The following CIDEB variants were observed in gnomAD, a reference collection of about 807,000 sequenced individuals.
The protein encoded by CIDEB is lipid transferase CIDEB.
Under a neutral mutation model 22.4 loss-of-function variants are expected in CIDEB, and 27 were observed. That is an observed-to-expected ratio of 1.21 (90% confidence interval 0.89 to 1.66). CIDEB has a LOEUF of 1.66. CIDEB is among the 40% of genes most tolerant of loss of function. The probability of loss-of-function intolerance (pLI) is 0.00; values close to 1 mark genes in which losing one functional copy is unlikely to be tolerated. For missense variants in CIDEB, 289 were observed against 268.7 expected (o/e 1.08, Z -0.53); for synonymous variants, 103 against 109.5 (o/e 0.94, Z 0.37).
rs759732396 is a variant in CIDEB, at chr14:24,307,390, C to T, written c.167G>A (p.Arg56His). ...TIRKGLTAAT[R>H]QELLAKALET... ...ACTTACTTTGGCTAGCAGCTCCTGG[C>T]GGGTGGCAGCTGTCAGGCCTTTCCG... Residue 56 changes from arginine to histidine, a missense_variant, in exon 2 of 5, where the codon CGC becomes CAC. By Grantham distance (29) the Arg-to-His change is conservative. Transcript: ENST00000554411. The T allele has an allele frequency of 7.4e-6, 12 of 1,613,392 alleles. No homozygotes were observed. Among genetic ancestry groups the T allele is most frequent in the East Asian group, 2.2e-5 (1 of 44,894 alleles).
chr14:24,310,643 A>C (rs1594635010), upstream of CIDEB: 1 of 1,613,574 alleles, frequency 6.2e-7, no homozygotes, highest in Non-Finnish European at 8.5e-7. Context: ...GGCGCCTTCC[A>C]CCCACCTGTA....
upstream of CIDEB, chr14:24,308,279 C>T (rs1171404187): frequency 3.3e-5 from 8 of 240,238 alleles, no homozygotes; most frequent in South Asian, 2.5e-4. Context: ...GTGCTGCCAC[C>T]TACTGGAGAA....
At position 24,305,230 on chromosome 14, in the gene CIDEB, A is replaced by T; in HGVS notation, c.*403T>A. 1 of 976,924 alleles carries T rather than the reference A, an allele frequency of 1.0e-6. No homozygotes were observed. The highest frequency in any genetic ancestry group is 1.7e-5 in the African/African-American group (1 of 59,444). The allele number at this position is 976,924 out of a possible 1,614,324, so 60.5% of individuals were successfully genotyped here. A position where few individuals can be genotyped will look rare whatever the true frequency, so the allele number is the denominator to read the frequency against. On this transcript the variant is annotated 3_prime_UTR_variant, in exon 5 of 5. Coordinates refer to ENST00000554411, the MANE Select transcript of CIDEB (RefSeq NM_001393339.1). ...TATTTTTATTGGAAATGTTTTTGTT[A>T]GTTTGAGGGGAAGGGTATGAAGACA...
chr14:24,308,551 G>C (rs1259719689), upstream of CIDEB: 1 of 154,056 alleles, frequency 6.5e-6, no homozygotes, highest in African/African-American at 2.4e-5. Context: ...AGAGCTGCCT[G>C]CTGCAGTCAC....
At position 24,306,517 on chromosome 14, in the gene CIDEB, C is replaced by T. The variant is rs984815207; in HGVS notation, c.193G>A (p.Glu65Lys). Residue 65 changes from glutamate to lysine, a missense_variant, in exon 3 of 5, where the codon GAG becomes AAG. Transcript: ENST00000554411. ...TRQELLAKAL[E>K]TLLLNGVLTL... ...AGCACTCCATTCAGCAGTAGGGTCT[C>T]CAATGCCTGCCCAATGGCAAGAAGC... 1.2e-6 allele frequency: 2 copies of T among 1,614,136 alleles called. No homozygotes were observed. The highest frequency in any genetic ancestry group is 2.7e-5 in the African/African-American group (2 of 74,938).
chr14:24,307,350 C>T (rs201256449), intron 2 of CIDEB, 21 bp downstream of exon 2: 116 of 1,605,818 alleles, frequency 7.2e-5, no homozygotes, highest in East Asian at 3.4e-4. Flanking sequence ...CTATAGGAAC[C>T]GAGGAACTTG....
upstream of CIDEB, chr14:24,311,337 C>T (rs375308005): frequency 2.4e-5 from 39 of 1,603,468 alleles, no homozygotes; most frequent in African/African-American, 4.7e-4. Context: ...GGTGGGCCGG[C>T]TGGTGAGCGC....
chr14:24,310,588 G>C (rs573499423), upstream of CIDEB: 1 of 1,440,142 alleles, frequency 6.9e-7, no homozygotes, highest in African/African-American at 1.4e-5. Context: ...CCTTCTCATC[G>C]GGCATCACAG....
chr14:24,310,810 G>A (rs150416614), upstream of CIDEB: 3,959 of 1,596,906 alleles, frequency 2.5e-3, 92 homozygotes, highest in African/African-American at 0.047. Flanking sequence ...GCGGGCTGGC[G>A]GCCTGCACGG....
chr14:24,309,097 A>G (rs990845299), upstream of CIDEB: 2 of 152,206 alleles, frequency 1.3e-5, no homozygotes, highest in Non-Finnish European at 2.9e-5. Flanking sequence ...CATTAAGTAC[A>G]TTCTCCTAAT....
Position 24,306,064 on chromosome 14 carries a change from T to G in CIDEB, c.410A>C (p.Asp137Ala). 1 of 1,614,174 alleles carries G rather than the reference T, an allele frequency of 6.2e-7. No homozygotes were observed. The highest frequency in any genetic ancestry group is 8.5e-7 in the Non-Finnish European group (1 of 1,180,014). ...HSKDIARFTF[D>A]VYKQNPRDLF... Reference sequence around the variant, plus strand: ...GTCTCGAGGGTTTTGCTTGTACACGTCAAAGGTGAATCGGGCGATGTCCTT... The same window carrying G: ...GTCTCGAGGGTTTTGCTTGTACACGGCAAAGGTGAATCGGGCGATGTCCTT... Residue 137 changes from aspartate to alanine, a missense_variant, in exon 4 of 5, where the codon GAC (aspartate) becomes GCC (alanine). Coordinates refer to ENST00000554411, the MANE Select transcript of CIDEB (RefSeq NM_001393339.1).
chr14:24,310,749 C>CT (rs932787383), upstream of CIDEB: 3 of 1,610,742 alleles, frequency 1.9e-6, no homozygotes, highest in Non-Finnish European at 1.7e-6. Flanking sequence ...CTTCCTGCTG[C>CT]TGGCGGCGCT....
upstream of CIDEB, chr14:24,311,434 G>A (rs746762061): frequency 6.2e-7 from 1 of 1,601,360 alleles, no homozygotes; most frequent in East Asian, 2.2e-5. Context: ...CCACCGGAAG[G>A]GGCCTTGGCG....
chr14:24,311,195 C>T (rs1397134294), upstream of CIDEB: 1 of 1,608,204 alleles, frequency 6.2e-7, no homozygotes, highest in Non-Finnish European at 8.5e-7. Context: ...CGCCGGTCCA[C>T]GCCGCCGCCC....
chr14:24,311,299 G>T, upstream of CIDEB: 18 of 1,591,194 alleles, frequency 1.1e-5, no homozygotes, highest in Non-Finnish European at 1.5e-5. Context: ...CGGGGCGCCC[G>T]CTGGGGCTCC....
chr14:24,309,187 G>C (rs141900690), upstream of CIDEB: 1 of 152,356 alleles, frequency 6.6e-6, no homozygotes, highest in East Asian at 1.9e-4. Flanking sequence ...AAGGCCTACT[G>C]AAGGGACTTA....
At chr14:24,306,161 A>G in intron 3 of CIDEB, 24 bp from the exon 4 acceptor site, 2 of 1,606,256 alleles carry the variant, frequency 1.2e-6, no homozygotes, top group Non-Finnish European at 1.7e-6. Flanking sequence ...TTGTCAGTGC[A>G]GTAGATCCTC....
At chr14:24,306,636 T>G (rs2041518672) in intron 2 of CIDEB, 113 bp from the exon 3 acceptor site, 6 of 1,375,922 alleles carry the variant, frequency 4.4e-6, no homozygotes, top group Non-Finnish European at 6.1e-6. Flanking sequence ...CCACTTTGAC[T>G]TTCCGGCACT....
chr14:24,306,213 G>C (rs1277697683), intron 3 of CIDEB, 76 bp from the exon 4 acceptor site: 10 of 1,544,648 alleles, frequency 6.5e-6, no homozygotes, highest in Non-Finnish European at 8.9e-6. Flanking sequence ...CACTGGGTCA[G>C]ACCCTCCCTC....
Sources: gnomAD v4.1 joint callset for allele counts on GRCh38, gnomAD v4.1.1 for gene constraint, MANE v1.5 for transcripts, NCBI Gene and HGNC (gene_info 2026-07-23, HGNC 2026-07-21) for gene names.